The following CC2D1A variants were observed in gnomAD, a reference collection of about 807,000 sequenced individuals.
CC2D1A encodes coiled-coil and C2 domain-containing protein 1A.
Under a neutral mutation model 123.8 loss-of-function variants are expected in CC2D1A, and 68 were observed. The ratio of observed to expected loss-of-function variants is 0.55; its 90% CI spans 0.45 to 0.67. The LOEUF (loss-of-function observed/expected upper bound fraction) is 0.67, where lower values mean the gene tolerates loss of function less well. Ranked by LOEUF, CC2D1A falls within the 30% of genes least tolerant of loss-of-function variation. The probability of loss-of-function intolerance (pLI) is 0.00; values close to 1 mark genes in which losing one functional copy is unlikely to be tolerated. For synonymous variants in CC2D1A, 477 were observed against 528.0 expected (o/e 0.90, Z 1.32); for missense variants, 1,185 against 1,290.3 (o/e 0.92, Z 1.25).
In CC2D1A at chr19:13,929,678, G is replaced by T. The variant is rs1474013730; in HGVS notation, c.2710+18G>T. On this transcript the variant is annotated intron_variant, in intron 26 of 28. Transcript: ENST00000318003. ...CCGACGGGGTAGGGGTTTGGAGATG[G>T]GCATCTGGTGGGGGAGGAGCTCCAG... The T allele has an allele frequency of 6.6e-7, 1 of 1,513,720 alleles. No homozygotes were observed. The highest frequency in any genetic ancestry group is 8.8e-7 in the Non-Finnish European group (1 of 1,132,022). 93.8% of individuals were successfully genotyped at this position (1,513,720 alleles called of 1,614,324 possible).
Position 13,912,579 on chromosome 19 carries a change from C to T in CC2D1A, c.364C>T (p.Pro122Ser). ...GEEQKASETP[P>S]PVAQPKPEAP... ...GGAGCAGAAGGCTTCAGAGACCCCA[C>T]CTCCTGTGGCCCAGGTACAGTTTGG... is the stretch of plus-strand genomic sequence containing the variant. Residue 122 changes from proline (P) to serine (S), a missense_variant, in exon 4 of 29, where the codon CCT becomes TCT. Coordinates refer to ENST00000318003, the MANE Select transcript of CC2D1A (RefSeq NM_017721.5). The T allele has an allele frequency of 6.2e-7, 1 of 1,614,038 alleles. No individual in the cohort carries two copies. Among genetic ancestry groups the T allele is most frequent in the African/African-American group, 1.3e-5 (1 of 75,028 alleles).
rs201658053 is a variant in CC2D1A, at chr19:13,929,564, G to T, written c.2614G>T (p.Val872Leu). 7 of 1,610,198 alleles carry T rather than the reference G, an allele frequency of 4.3e-6. No homozygotes were observed. In the African/African-American group the frequency reaches 9.4e-5, roughly 22 times the overall value. Residue 872 changes from valine to leucine, a missense_variant, in exon 26 of 29, where the codon GTG becomes TTG. By Grantham distance (32) the Val-to-Leu change is conservative (BLOSUM62 1). Transcript: ENST00000318003. ...GGCCCTCAGGCAGGCGCGGCGGCCG[G>T]TGCCCCCAGAAGTGGCCCAGCAGTA... is the stretch of plus-strand genomic sequence containing the variant. ...ILALRQARRP[V>L]PPEVAQQYQD...
Position 13,913,574 on chromosome 19 carries a change from G to A in CC2D1A, c.684G>A (p.Leu228=), listed in dbSNP as rs764693828. The part of the protein sequence containing the change: ...IASAPEPRVT[L]EGPSATAPAS... ...CAGCCCCAGAGCCCAGGGTCACCCT[G>A]GAGGGACCTTCTGCCACCGCCCCAG... The change falls in exon 6 of 29, where the codon CTG becomes CTA. Residue 228 remains leucine (L), a synonymous_variant. Transcript: ENST00000318003. 6 of 1,614,006 alleles carry A rather than the reference G, an allele frequency of 3.7e-6. No individual in the cohort carries two copies. The South Asian group carries it at 6.6e-5, about 18-fold the overall frequency.
intron 17 of CC2D1A, among the ~76,000 whole-genome samples, chr19:13,926,065 T>TACAC (rs111396032): frequency 2.1e-4 from 27 of 128,078 alleles, no homozygotes; most frequent in African/African-American, 4.6e-4. Flanking sequence ...TATGTATATA[T>TACAC]ACACACACAC....
At chr19:13,912,022 T>TA in intron 2 of CC2D1A, among the ~76,000 whole-genome samples, 1 of 152,038 alleles carries the variant, frequency 6.6e-6, no homozygotes, top group East Asian at 1.9e-4. Flanking sequence ...GCCTAATTTT[T>TA]GTATTTTTAG....
intron 17 of CC2D1A, among the ~76,000 whole-genome samples, chr19:13,926,058 G>GTATA (rs201590156): frequency 6.1e-5 from 6 of 98,982 alleles, no homozygotes; most frequent in African/African-American, 2.9e-4. Context: ...GTATATATAT[G>GTATA]TATATATACA....
In CC2D1A at chr19:13,923,806, C is replaced by T. The variant is rs1216112739; in HGVS notation, c.1935C>T (p.Val645=). ...TARFEQRTFS[V]IKIFPDLSSN... The stretch of plus-strand genomic sequence containing the variant: ...GCTTTGAGCAAAGGACCTTCAGCGT[C>T]ATCAAGTAAGGCTCCTGATCTACGC... The change falls in exon 17 of 29, where the codon GTC becomes GTT. Residue 645 remains valine, a synonymous_variant. Coordinates refer to ENST00000318003, the MANE Select transcript of CC2D1A (RefSeq NM_017721.5). The surrounding 1 kb of genome is among the most constrained non-coding windows in gnomAD (Gnocchi z 5.3). The T allele has an allele frequency of 6.2e-7, 1 of 1,612,330 alleles. No homozygotes were observed. Among genetic ancestry groups the T allele is most frequent in the South Asian group, 1.1e-5 (1 of 91,034 alleles).
At chr19:13,914,223 G>A (rs185788982) in intron 6 of CC2D1A, among the ~76,000 whole-genome samples, 1 of 152,194 alleles carries the variant, frequency 6.6e-6, no homozygotes, top group African/African-American at 2.4e-5. Context: ...ACCCAGGCTG[G>A]AGTGCAGTGA....
intron 1 of CC2D1A, among the ~76,000 whole-genome samples, chr19:13,908,252 C>T (rs1379286878): frequency 6.6e-6 from 1 of 152,116 alleles, no homozygotes; most frequent in Non-Finnish European, 1.5e-5. Flanking sequence ...TCAGGTGACC[C>T]GCCTGCCTCG....
chr19:13,914,936 G>A (rs138165302), intron 6 of CC2D1A, among the ~76,000 whole-genome samples: 1 of 152,254 alleles, frequency 6.6e-6, no homozygotes, highest in Non-Finnish European at 1.5e-5. Flanking sequence ...TGAACACGGG[G>A]CTTTGCCCCA....
At chr19:13,925,483 G>A (rs1971560154) in intron 17 of CC2D1A, among the ~76,000 whole-genome samples, 1 of 152,094 alleles carries the variant, frequency 6.6e-6, no homozygotes, top group African/African-American at 2.4e-5. Context: ...AGGAGGCTGA[G>A]GCAGGAGAAT....
intron 6 of CC2D1A, among the ~76,000 whole-genome samples, chr19:13,916,468 G>A (rs8102023): frequency 0.056 from 8,557 of 152,136 alleles, 811 homozygotes; most frequent in African/African-American, 0.19. Context: ...GGAGGCTGAG[G>A]TGGGAGAATC....
chr19:13,914,998 A>G lies in CC2D1A; in HGVS notation c.748+1360A>G, dbSNP rs1040504471. On this transcript the variant is annotated intron_variant, in intron 6 of 28. Transcript: ENST00000318003. ...CAAAGAGACAACTCAAAATACTGGC[A>G]TGGGTTTGAGAAAGCAAACACTGGG... 2.0e-5 allele frequency among the ~76,000 whole-genome samples: 3 copies of G among 152,276 alleles called. No individual in the cohort carries two copies. In the South Asian group the frequency reaches 6.2e-4, roughly 31 times the overall value.
At chr19:13,928,267 C>A in intron 24 of CC2D1A, 79 bp downstream of exon 24, 1 of 1,284,972 alleles carries the variant, frequency 7.8e-7, no homozygotes. Flanking sequence ...TCCCACCAGG[C>A]ACAAATTGGA....
At chr19:13,919,261 C>G in intron 11 of CC2D1A, 59 bp downstream of exon 11, 3 of 1,356,552 alleles carry the variant, frequency 2.2e-6, no homozygotes, top group Non-Finnish European at 3.0e-6. Context: ...GGCCCCGCCC[C>G]CAGAGGCCCC....
chr19:13,924,422 G>T (rs1009478172), intron 17 of CC2D1A, among the ~76,000 whole-genome samples: 1 of 151,878 alleles, frequency 6.6e-6, no homozygotes, highest in Non-Finnish European at 1.5e-5. Flanking sequence ...CGCCCACCTC[G>T]GCCTCCCAAA....
chr19:13,920,773 G>C lies in CC2D1A; in HGVS notation c.1492G>C (p.Glu498Gln), dbSNP rs1346015370. Residue 498 changes from glutamate (E) to glutamine (Q), a missense_variant, in exon 14 of 29, where the codon GAG becomes CAG. Coordinates refer to ENST00000318003, the MANE Select transcript of CC2D1A (RefSeq NM_017721.5). ...TRAQQQLAFL[E>Q]GRKKQLLQAA... ...AGCCCAGCAGCAGCTGGCCTTCCTA[G>C]AGGGCCGCAAGAAGCAGCTCCTGCA... 6.2e-7 allele frequency: 1 copy of C among 1,613,720 alleles called. No individual in the cohort carries two copies. Among genetic ancestry groups the C allele is most frequent in the African/African-American group, 1.3e-5 (1 of 75,040 alleles).
rs1025854801 is a variant in CC2D1A at position 13,918,484 on chromosome 19, T to C, written c.874-20T>C. 1 of 1,610,556 alleles carries C rather than the reference T, an allele frequency of 6.2e-7. No individual in the cohort carries two copies. Among genetic ancestry groups the C allele is most frequent in the African/African-American group, 1.3e-5 (1 of 74,940 alleles). On this transcript the variant is annotated intron_variant, in intron 7 of 28. Coordinates refer to ENST00000318003, the MANE Select transcript of CC2D1A (RefSeq NM_017721.5). ...CCCCCAACTGCACCTCTTCTTCTAA[T>C]CTCCTCTTCCTTCTCCCAGAGCTTT...
intron 12 of CC2D1A, chr19:13,920,289 T>C: frequency 1.9e-6 from 1 of 528,520 alleles, no homozygotes; most frequent in Non-Finnish European, 3.3e-6. Flanking sequence ...TTGGTGAGAA[T>C]TGCTTGAACC....
Sources: gnomAD v4.1 joint callset for allele counts (sites outside exome capture counted in the v4.1 genomes callset) on GRCh38, gnomAD v4.1.1 for gene constraint, Gnocchi (gnomAD v3.1) non-coding constraint, MANE v1.5 for transcripts, NCBI Gene and HGNC (gene_info 2026-07-23, HGNC 2026-07-21) for gene names.